ADGRL3: variants seen among roughly 807,000 people sequenced by gnomAD.
ADGRL3 encodes the protein calcium-independent alpha-latrotoxin receptor 3.
ADGRL3 carries 62 observed loss-of-function variants against 153.5 expected under a neutral mutation model. The ratio of observed to expected loss-of-function variants is 0.40; its 90% confidence interval spans 0.33 to 0.50. The LOEUF (loss-of-function observed/expected upper bound fraction) is 0.50, where lower values mean the gene tolerates loss of function less well. Ranked by LOEUF, ADGRL3 falls within the 20% of genes least tolerant of loss-of-function variation. The pLI is 0.47. For synonymous variants in ADGRL3, 710 were observed against 672.5 expected (o/e 1.06, Z -0.86); for missense variants, 1,641 against 1,859.4 (o/e 0.88, Z 2.16).
intron 4 of ADGRL3, among the ~76,000 whole-genome samples, chr4:61,539,214 C>A (rs886862128): frequency 1.3e-5 from 2 of 152,180 alleles, no homozygotes; most frequent in African/African-American, 4.8e-5. Flanking sequence ...AGCTTACTTT[C>A]AATAGGGGTG....
intron 5 of ADGRL3, among the ~76,000 whole-genome samples, chr4:61,657,998 C>T (rs934062157): frequency 6.6e-6 from 1 of 152,138 alleles, no homozygotes; most frequent in African/African-American, 2.4e-5. Context: ...ATTCAGTGCT[C>T]TTACTGTATG....
intron 1 of ADGRL3, among the ~76,000 whole-genome samples, chr4:61,319,295 C>T (rs747729666): frequency 6.6e-6 from 1 of 152,208 alleles, no homozygotes; most frequent in African/African-American, 2.4e-5. Context: ...CCTACAACCA[C>T]TTCAAATAAA....
At chr4:61,639,873 C>T (rs1219862852) in intron 5 of ADGRL3, among the ~76,000 whole-genome samples, 2 of 152,030 alleles carry the variant, frequency 1.3e-5, no homozygotes, top group South Asian at 2.1e-4. Context: ...TAGATTTCTA[C>T]TTAGTCTTTC....
chr4:61,850,789 A>G (rs917135882), intron 9 of ADGRL3, among the ~76,000 whole-genome samples: 4 of 152,206 alleles, frequency 2.6e-5, no homozygotes, highest in African/African-American at 4.8e-5. Flanking sequence ...GATGAAAAAT[A>G]TAAAATTTGG....
At chr4:61,810,054 G>A (rs896950916) in intron 8 of ADGRL3, among the ~76,000 whole-genome samples, 1 of 152,104 alleles carries the variant, frequency 6.6e-6, no homozygotes, top group Non-Finnish European at 1.5e-5. Flanking sequence ...AGGCTGTCCT[G>A]CTTCTGAAGC....
intron 21 of ADGRL3, among the ~76,000 whole-genome samples, chr4:62,012,102 G>A (rs1254208149): frequency 6.6e-6 from 1 of 152,112 alleles, no homozygotes; most frequent in Non-Finnish European, 1.5e-5. Flanking sequence ...AATAAGTGAT[G>A]TTAGACTGAA....
intron 25 of ADGRL3, among the ~76,000 whole-genome samples, chr4:62,048,319 G>C (rs1312192650): frequency 6.6e-6 from 1 of 151,652 alleles, no homozygotes; most frequent in Non-Finnish European, 1.5e-5. Context: ...CTGGAGTTCA[G>C]TGGCATGATC....
chr4:61,829,845 AG>A (rs940355273), intron 9 of ADGRL3, among the ~76,000 whole-genome samples: 3 of 152,126 alleles, frequency 2.0e-5, no homozygotes, highest in African/African-American at 7.2e-5. Flanking sequence ...AAGACAGCCA[AG>A]GAACTGGTAC....
intron 4 of ADGRL3, among the ~76,000 whole-genome samples, chr4:61,583,116 T>C (rs1405629169): frequency 6.6e-6 from 1 of 152,074 alleles, no homozygotes; most frequent in Non-Finnish European, 1.5e-5. Flanking sequence ...ATTTAGTCTT[T>C]TACTTATTGA....
intron 6 of ADGRL3, among the ~76,000 whole-genome samples, chr4:61,724,222 T>G (rs996267343): frequency 6.6e-6 from 1 of 152,220 alleles, no homozygotes; most frequent in African/African-American, 2.4e-5. Flanking sequence ...AAGAAGCAAA[T>G]GTTGTATCAA....
At chr4:61,854,699 C>A (rs1300066087) in intron 9 of ADGRL3, among the ~76,000 whole-genome samples, 1 of 152,038 alleles carries the variant, frequency 6.6e-6, no homozygotes, top group Non-Finnish European at 1.5e-5. Context: ...TAACTTGCTA[C>A]CAAAGAATAC....
intron 8 of ADGRL3, among the ~76,000 whole-genome samples, chr4:61,741,680 A>C (rs1362826776): frequency 6.6e-6 from 1 of 152,222 alleles, no homozygotes; most frequent in Non-Finnish European, 1.5e-5. Flanking sequence ...TCCCAGAATG[A>C]CATCTGCCTT....
intron 1 of ADGRL3, among the ~76,000 whole-genome samples, chr4:61,205,000 G>A (rs567365415): frequency 3.3e-5 from 5 of 152,254 alleles, no homozygotes; most frequent in African/African-American, 9.6e-5. Flanking sequence ...ATAATAGCAA[G>A]TATGGCACTT....
At chr4:61,419,656 T>C (rs1034873335) in intron 2 of ADGRL3, among the ~76,000 whole-genome samples, 24 of 152,210 alleles carry the variant, frequency 1.6e-4, no homozygotes, top group Admixed American at 6.5e-5. Flanking sequence ...CTCATCAACA[T>C]TACAGTGAAA....
intron 9 of ADGRL3, among the ~76,000 whole-genome samples, chr4:61,831,411 T>TAAAAAA (rs1166970099): frequency 2.1e-4 from 8 of 37,298 alleles, no homozygotes; most frequent in African/African-American, 3.2e-4. Flanking sequence ...AGATGCTAAG[T>TAAAAAA]AAAAAAAAAA....
chr4:61,390,717 A>G (rs903261075), intron 2 of ADGRL3, among the ~76,000 whole-genome samples: 23 of 152,132 alleles, frequency 1.5e-4, no homozygotes, highest in African/African-American at 4.8e-4. Context: ...TCTGTAGAAA[A>G]TTCTATGAAA....
chr4:61,271,449 A>G (rs947141018), intron 1 of ADGRL3, among the ~76,000 whole-genome samples: 6 of 152,028 alleles, frequency 3.9e-5, no homozygotes, highest in African/African-American at 1.4e-4. Context: ...ATCTTATGGT[A>G]CATAGTGCTT....
intron 1 of ADGRL3, among the ~76,000 whole-genome samples, chr4:61,379,787 T>C (rs1410396314): frequency 6.6e-6 from 1 of 152,040 alleles, no homozygotes; most frequent in Admixed American, 6.6e-5. Flanking sequence ...TGTGAAAGTG[T>C]CTTCTAACAG....
chr4:61,238,962 C>T (rs957806215), intron 1 of ADGRL3, among the ~76,000 whole-genome samples: 8 of 151,890 alleles, frequency 5.3e-5, no homozygotes, highest in East Asian at 1.9e-4. Context: ...TCTCTTATTC[C>T]GGAGCTGCAG....
Sources: gnomAD v4.1 joint callset for allele counts (sites outside exome capture counted in the v4.1 genomes callset) on GRCh38, gnomAD v4.1.1 for gene constraint, MANE v1.5 for transcripts, NCBI Gene and HGNC (gene_info 2026-07-23, HGNC 2026-07-21) for gene names.